ZNF185: variants seen among roughly 807,000 people sequenced by gnomAD.
ZNF185 encodes zinc finger protein 185 with LIM domain, also known as zinc finger protein 185.
In ZNF185, 56 loss-of-function variants were observed where a neutral mutation model predicts 58.6. That is an observed-to-expected ratio of 0.95 (90% CI 0.77 to 1.19). The LOEUF is 1.19. Among genes scored for constraint, ZNF185 ranks in the 50% most tolerant of loss-of-function variants. ZNF185 has a pLI of 0.00. For missense variants in ZNF185, 627 were observed against 573.5 expected (o/e 1.09, Z -0.95); for synonymous variants, 230 against 215.9 (o/e 1.07, Z -0.57).
chrX:152,969,358 G>A (rs372703890), intron 20 of ZNF185, 24 bp from the exon 23 acceptor site: 57 of 1,166,549 alleles, frequency 4.9e-5, no homozygotes, highest in Admixed American at 4.8e-4. Context: ...CCTGACCACC[G>A]GGTTATTGTT....
intron 14 of ZNF185, among the ~76,000 whole-genome samples, chrX:152,936,796 C>G (rs1250467455): frequency 1.8e-5 from 2 of 110,406 alleles, no homozygotes; most frequent in Non-Finnish European, 3.8e-5. Flanking sequence ...AAGGCAGAGC[C>G]TGGGAAGAGA....
At chrX:152,944,563 G>T (rs1383881122) in intron 15 of ZNF185, among the ~76,000 whole-genome samples, 2 of 112,232 alleles carry the variant, frequency 1.8e-5, no homozygotes, top group African/African-American at 3.2e-5. Flanking sequence ...GGATCAGCTA[G>T]CAGCCTCTTT....
chrX:152,938,185 C>CTCA, intron 15 of ZNF185, 22 bp downstream of exon 17: 1 of 1,160,711 alleles, frequency 8.6e-7, no homozygotes, highest in Non-Finnish European at 1.2e-6. Flanking sequence ...GCAGACAGTG[C>CTCA]TGAACTTCTG....
chrX:152,903,405 A>AG, the ZNF185 span, among the ~76,000 whole-genome samples: 20 of 106,773 alleles, frequency 1.9e-4, no homozygotes, highest in African/African-American at 6.2e-4. Context: ...AAAAAAAAAA[A>AG]AAAAAAAAAA....
chrX:152,959,123 A>G (rs1556907641), intron 16 of ZNF185, among the ~76,000 whole-genome samples: 2 of 112,811 alleles, frequency 1.8e-5, no homozygotes, highest in East Asian at 2.8e-4. Flanking sequence ...GCCCCGCCTA[A>G]GAAATTTTGG....
chrX:152,922,323 AACCTCAGTCAGGGC>A, intron 10 of ZNF185, 67 bp downstream of exon 11: 2 of 1,029,449 alleles, frequency 1.9e-6, no homozygotes, highest in Non-Finnish European at 2.7e-6. Context: ...GTCACTGAGG[AACCTCAGTCAGGGC>A]ACCTCCATGC....
intron 16 of ZNF185, among the ~76,000 whole-genome samples, chrX:152,955,097 C>T (rs2048689537): frequency 9.0e-6 from 1 of 111,646 alleles, no homozygotes; most frequent in Non-Finnish European, 1.9e-5. Context: ...GAAGTATGGC[C>T]GCTGGGATTG....
chrX:152,900,693 T>C, the ZNF185 span, among the ~76,000 whole-genome samples: 40 of 112,607 alleles, frequency 3.6e-4, no homozygotes, highest in Non-Finnish European at 6.6e-4. Flanking sequence ...GTTGCCATCA[T>C]TGCTTCCAAA....
intron 15 of ZNF185, among the ~76,000 whole-genome samples, chrX:152,938,850 G>C (rs1399002069): frequency 3.8e-5 from 4 of 105,962 alleles, no homozygotes; most frequent in African/African-American, 1.5e-4. Context: ...TAGAGTGATG[G>C]CAGTGAGGAG....
intron 13 of ZNF185, among the ~76,000 whole-genome samples, chrX:152,932,001 C>T (rs1307244596): frequency 8.9e-6 from 1 of 112,344 alleles, no homozygotes; most frequent in Non-Finnish European, 1.9e-5. Flanking sequence ...GGAGGTAGGC[C>T]CCTGCCATGA....
chrX:152,948,711 C>T (rs781938302), intron 16 of ZNF185, among the ~76,000 whole-genome samples: 6 of 112,263 alleles, frequency 5.3e-5, no homozygotes, highest in Non-Finnish European at 1.1e-4. Context: ...CCTGTGAGTT[C>T]TTCTTGTGAA....
In ZNF185 at chrX:152,918,980, T is replaced by C; in HGVS notation, c.432-3T>C. ...ACAGGAAAGCGCCTCTCCCCTCTCT[T>C]AGGGCACCCTACAATATCAGGCGCA... On this transcript the variant is annotated splice_polypyrimidine_tract_variant and splice_region_variant and intron_variant, in intron 6 of 22. Coordinates refer to ENST00000449285, the Ensembl canonical transcript of ZNF185. 1 of 1,205,527 alleles carries C rather than the reference T, an allele frequency of 8.3e-7. No homozygotes were observed. Among genetic ancestry groups the C allele is most frequent in the Non-Finnish European group, 1.1e-6 (1 of 891,380 alleles).
chrX:152,953,937 C>T (rs1556902157), intron 16 of ZNF185, among the ~76,000 whole-genome samples: 1 of 110,666 alleles, frequency 9.0e-6, no homozygotes, highest in African/African-American at 3.3e-5. Context: ...GATGGGGTTT[C>T]GCCATGCTGG....
chrX:152,909,689 T>C (rs1202031867), upstream of ZNF185, among the ~76,000 whole-genome samples: 2 of 112,146 alleles, frequency 1.8e-5, no homozygotes, highest in African/African-American at 6.5e-5. Flanking sequence ...CCCCAGCTTG[T>C]GGGAAAAGAC....
At chrX:152,935,437 C>T (rs782212128) in intron 14 of ZNF185, among the ~76,000 whole-genome samples, 11 of 109,219 alleles carry the variant, frequency 1.0e-4, no homozygotes, top group East Asian at 2.9e-4. Flanking sequence ...GGGGTTTCAC[C>T]GTGTTAGCCA....
chrX:152,956,825 T>C (rs1346545954), intron 16 of ZNF185, among the ~76,000 whole-genome samples: 2 of 112,690 alleles, frequency 1.8e-5, no homozygotes, highest in Admixed American at 1.9e-4. Flanking sequence ...GTTGCATTAG[T>C]GCATTATCGA....
intron 16 of ZNF185, among the ~76,000 whole-genome samples, chrX:152,955,971 A>C (rs2048788110): frequency 2.0e-5 from 2 of 100,033 alleles, no homozygotes; most frequent in South Asian, 9.9e-4. Context: ...ACCAAAACTT[A>C]GGGCCTTAGC....
chrX:152,942,055 C>G (rs2047275716), intron 15 of ZNF185, among the ~76,000 whole-genome samples: 1 of 110,544 alleles, frequency 9.0e-6, no homozygotes, highest in Non-Finnish European at 1.9e-5. Flanking sequence ...CAGCTGGACC[C>G]TCCAACCACG....
chrX:152,950,128 T>C (rs782285572), intron 16 of ZNF185, among the ~76,000 whole-genome samples: 40 of 112,510 alleles, frequency 3.6e-4, no homozygotes, highest in African/African-American at 1.2e-3. Context: ...CCTTAGTCAT[T>C]TGAAAGAAGC....
Sources: allele counts gnomAD v4.1 joint callset (sites outside exome capture counted in the v4.1 genomes callset), GRCh38; gene constraint gnomAD v4.1.1; transcripts MANE v1.5; gene names NCBI Gene and HGNC (gene_info 2026-07-23, HGNC 2026-07-21).